Variants in ANK3 observed in about 807,000 individuals in gnomAD.
ANK3 encodes the protein ankyrin-3.
Under a neutral mutation model 370.9 loss-of-function variants are expected in ANK3, and 57 were observed. The observed-to-expected ratio is 0.15, with a 90% CI of 0.12 to 0.19. ANK3 has a LOEUF of 0.19. ANK3 is among the 10% of genes least tolerant of loss of function. The pLI is 1.00. For missense variants in ANK3, 4,439 were observed against 5,302.1 expected, an observed-to-expected ratio of 0.84 and a Z score of 5.06; for synonymous variants, 1,929 against 1,946.3, an observed-to-expected ratio of 0.99 and a Z score of 0.23.
chr10:60,250,487 C>T (rs1260933785), intron 7 of ANK3, among the ~76,000 whole-genome samples: 1 of 152,198 alleles, frequency 6.6e-6, no homozygotes, highest in African/African-American at 2.4e-5. Context: ...GCCTCAGCCT[C>T]CCCAGTAGCT....
intron 7 of ANK3, among the ~76,000 whole-genome samples, chr10:60,258,812 A>G (rs1256000673): frequency 7.8e-6 from 1 of 128,794 alleles, no homozygotes; most frequent in Non-Finnish European, 1.9e-5. Flanking sequence ...TCCACTCCCT[A>G]CTGTATTTTG....
At chr10:60,195,114 G>A (rs186371332) in intron 16 of ANK3, among the ~76,000 whole-genome samples, 184 of 152,218 alleles carry the variant, frequency 1.2e-3, no homozygotes, top group African/African-American at 4.3e-3. Flanking sequence ...GAGGCCGGGC[G>A]CGGTGTGTCA....
chr10:60,427,492 A>T (rs2063914527), intron 2 of ANK3, among the ~76,000 whole-genome samples: 1 of 151,996 alleles, frequency 6.6e-6, no homozygotes, highest in African/African-American at 2.4e-5. Context: ...TTTTGCCTAA[A>T]TAGGTCTCAT....
intron 1 of ANK3, chr10:60,300,563 A>T (rs2132798019): frequency 1.7e-6 from 2 of 1,192,950 alleles, no homozygotes; most frequent in South Asian, 3.1e-5. Context: ...GGGCCCTTAT[A>T]AACAGCATAG....
intron 2 of ANK3, among the ~76,000 whole-genome samples, chr10:60,609,663 C>T (rs2078176558): frequency 6.6e-6 from 1 of 151,960 alleles, no homozygotes; most frequent in African/African-American, 2.4e-5. Context: ...ATGCAGACTG[C>T]TTGAAAACCA....
chr10:60,534,879 C>T (rs1420377701), intron 2 of ANK3, among the ~76,000 whole-genome samples: 1 of 152,108 alleles, frequency 6.6e-6, no homozygotes, highest in East Asian at 1.9e-4. Flanking sequence ...TGGAAAAGTA[C>T]TTCCCTAGCT....
chr10:60,732,181 T>TAA (rs576223920), intron 1 of ANK3, among the ~76,000 whole-genome samples: 9 of 149,246 alleles, frequency 6.0e-5, no homozygotes, highest in African/African-American at 1.7e-4. Context: ...GCCCACGATT[T>TAA]AAAAAAAAAA....
At position 60,073,896 on chromosome 10, in the gene ANK3, T is replaced by A; in HGVS notation, c.6985A>T (p.Ile2329Leu). Reference protein sequence around the residue: ...DNQMKPKLERIIEVHIEKGNQ... With the variant: ...DNQMKPKLERLIEVHIEKGNQ... ...CCTTTTTCGATGTGGACTTCTATTA[T>A]ACGCTCCAGTTTGGGTTTCATTTGG... Residue 2329 changes from isoleucine (I) to leucine (L), a missense_variant, in exon 37 of 44, where the codon ATA becomes TTA. Transcript: ENST00000280772. The A allele has an allele frequency of 6.2e-7, 1 of 1,613,992 alleles. No homozygotes were observed. The highest frequency in any genetic ancestry group is 8.5e-7 in the Non-Finnish European group (1 of 1,180,000).
chr10:60,456,253 G>A (rs1235039726), intron 2 of ANK3, among the ~76,000 whole-genome samples: 1 of 152,176 alleles, frequency 6.6e-6, no homozygotes, highest in Non-Finnish European at 1.5e-5. Context: ...AGCTGCCAGC[G>A]CCCCCTTTGG....
At chr10:60,730,403 G>A (rs1049336749) in intron 1 of ANK3, among the ~76,000 whole-genome samples, 1 of 151,978 alleles carries the variant, frequency 6.6e-6, no homozygotes, top group Non-Finnish European at 1.5e-5. Context: ...AGTGATCCTC[G>A]CATCTCGGCC....
intron 1 of ANK3, among the ~76,000 whole-genome samples, chr10:60,677,111 C>T (rs1440696835): frequency 6.6e-6 from 1 of 152,128 alleles, no homozygotes; most frequent in Non-Finnish European, 1.5e-5. Flanking sequence ...GTTCCCAGAG[C>T]AGAGGGTGGC....
rs146804183 is a variant in ANK3, at chr10:60,301,211, ATATG to A, written c.115-21576_115-21573del. ...CTATGTGTGTGTATATATATACTAT[ATATG>A]TATGTATGTATATATAAAGTATATA... On this transcript the variant is annotated intron_variant, in intron 1 of 43. Coordinates refer to ENST00000280772, the MANE Select transcript of ANK3 (RefSeq NM_020987.5). Among the ~76,000 whole-genome samples, 704 of 147,826 alleles carry A rather than the reference ATATG, an allele frequency of 4.8e-3. 6 individuals carry two copies. Among genetic ancestry groups the A allele is most frequent in the Non-Finnish European group, 7.8e-3 (524 of 67,264 alleles).
At chr10:60,079,796 T>A (rs1482710318) in intron 36 of ANK3, among the ~76,000 whole-genome samples, 5 of 151,414 alleles carry the variant, frequency 3.3e-5, no homozygotes, top group Admixed American at 3.3e-4. Context: ...ATTACAAGGA[T>A]GATGGAAGGA....
chr10:60,571,081 G>A (rs1465413236), intron 2 of ANK3, among the ~76,000 whole-genome samples: 1 of 137,650 alleles, frequency 7.3e-6, no homozygotes, highest in Non-Finnish European at 1.5e-5. Flanking sequence ...TTTGAGACCA[G>A]TGCCACTATG....
chr10:60,046,208 A>G (rs754137923), intron 42 of ANK3, among the ~76,000 whole-genome samples: 47 of 152,206 alleles, frequency 3.1e-4, no homozygotes, highest in Non-Finnish European at 4.1e-4. Context: ...TGTATTTTCT[A>G]TGGTTGGTGG....
intron 5 of ANK3, among the ~76,000 whole-genome samples, chr10:60,265,690 A>G (rs537763626): frequency 6.6e-6 from 1 of 152,298 alleles, no homozygotes; most frequent in Admixed American, 6.5e-5. Flanking sequence ...ATAGGAGCAC[A>G]TATGCACCAA....
chr10:60,226,043 TAGAG>T (rs557240477), intron 8 of ANK3, among the ~76,000 whole-genome samples: 6 of 143,552 alleles, frequency 4.2e-5, no homozygotes, highest in South Asian at 2.1e-4. Context: ...TTATATATAA[TAGAG>T]AGTGTATATA....
At chr10:60,490,136 A>T (rs1248865546) in intron 2 of ANK3, among the ~76,000 whole-genome samples, 2 of 152,168 alleles carry the variant, frequency 1.3e-5, no homozygotes, top group Non-Finnish European at 2.9e-5. Context: ...TGGACTACTT[A>T]CTAGTCACAG....
At chr10:60,693,109 G>A (rs974085977) in intron 1 of ANK3, among the ~76,000 whole-genome samples, 3 of 152,182 alleles carry the variant, frequency 2.0e-5, no homozygotes, top group East Asian at 1.9e-4. Context: ...AGGGGTCAGG[G>A]AGTTCCCTTT....
Sources: gnomAD v4.1 joint callset for allele counts (sites outside exome capture counted in the v4.1 genomes callset) on GRCh38, gnomAD v4.1.1 for gene constraint, MANE v1.5 for transcripts, NCBI Gene and HGNC (gene_info 2026-07-23, HGNC 2026-07-21) for gene names.